Variants in CIMIP6 observed in about 807,000 individuals in gnomAD.
CIMIP6 encodes ciliary microtubule inner protein 6.
the CIMIP6 span, among the ~76,000 whole-genome samples, chr2:54,359,944 T>A: frequency 1.3e-5 from 2 of 152,244 alleles, no homozygotes; most frequent in Non-Finnish European, 1.5e-5. Context: ...AAGTTGAGAA[T>A]GGGAGATGAG....
chr2:54,381,296 C>G, the CIMIP6 span, among the ~76,000 whole-genome samples: 1 of 152,300 alleles, frequency 6.6e-6, no homozygotes, highest in East Asian at 1.9e-4. Context: ...AGGTTCTACT[C>G]CAATTCCTAA....
the CIMIP6 span, among the ~76,000 whole-genome samples, chr2:54,365,545 A>G: frequency 8.5e-5 from 13 of 152,180 alleles, no homozygotes; most frequent in African/African-American, 3.1e-4. Flanking sequence ...AGAGAATACA[A>G]AGTATACAGA....
chr2:54,360,525 A>G, the CIMIP6 span: 4 of 1,531,032 alleles, frequency 2.6e-6, no homozygotes, highest in Non-Finnish European at 3.5e-6. Flanking sequence ...TTCACTAGGC[A>G]CAAGCCTTTA....
At chr2:54,381,648 C>G in the CIMIP6 span, among the ~76,000 whole-genome samples, 17 of 152,332 alleles carry the variant, frequency 1.1e-4, no homozygotes, top group East Asian at 2.1e-3. Context: ...AAAGACCTTT[C>G]CAATCCTGAA....
At chr2:54,346,250 C>T in the CIMIP6 span, among the ~76,000 whole-genome samples, 98 of 152,204 alleles carry the variant, frequency 6.4e-4, no homozygotes, top group African/African-American at 2.2e-3. Context: ...AAAGTAAGTG[C>T]ACAACTGATA....
chr2:54,364,868 A>T, the CIMIP6 span, among the ~76,000 whole-genome samples: 24 of 152,234 alleles, frequency 1.6e-4, no homozygotes, highest in Non-Finnish European at 3.1e-4. Flanking sequence ...TATAACAGGA[A>T]CATTTGAAAT....
At chr2:54,337,276 T>C in the CIMIP6 span, among the ~76,000 whole-genome samples, 1 of 152,144 alleles carries the variant, frequency 6.6e-6, no homozygotes, top group Non-Finnish European at 1.5e-5. Context: ...GAATGTCAGA[T>C]CTTCTTGGGG....
the CIMIP6 span, among the ~76,000 whole-genome samples, chr2:54,380,458 T>C: frequency 6.6e-6 from 1 of 152,316 alleles, no homozygotes; most frequent in Admixed American, 6.5e-5. Flanking sequence ...CCACCTGGAA[T>C]GTCTTCTCAT....
chr2:54,381,316 A>G, the CIMIP6 span, among the ~76,000 whole-genome samples: 1 of 152,154 alleles, frequency 6.6e-6, no homozygotes, highest in East Asian at 1.9e-4. Context: ...ACTGACCCCC[A>G]AATGATGTTG....
the CIMIP6 span, among the ~76,000 whole-genome samples, chr2:54,374,826 G>A: frequency 2.6e-5 from 4 of 152,126 alleles, no homozygotes; most frequent in Non-Finnish European, 5.9e-5. Context: ...TCAGTTTTCC[G>A]CTGGCCCCTC....
At chr2:54,367,422 A>G in the CIMIP6 span, among the ~76,000 whole-genome samples, 1 of 152,126 alleles carries the variant, frequency 6.6e-6, no homozygotes, top group South Asian at 2.1e-4. Context: ...GTGAAATTCC[A>G]AAATCTGGAA....
the CIMIP6 span, among the ~76,000 whole-genome samples, chr2:54,350,660 G>A: frequency 3.9e-5 from 6 of 152,270 alleles, no homozygotes; most frequent in African/African-American, 1.4e-4. Flanking sequence ...GACTATATAA[G>A]GATTTGAATA....
the CIMIP6 span, among the ~76,000 whole-genome samples, chr2:54,338,790 A>G: frequency 1.3e-5 from 1 of 74,966 alleles, no homozygotes; most frequent in Admixed American, 1.3e-4. Flanking sequence ...TAGGAACATA[A>G]AATTGGGGAT....
At chr2:54,335,133 T>G in the CIMIP6 span, 1 of 823,348 alleles carries the variant, frequency 1.2e-6, no homozygotes, top group African/African-American at 1.7e-5. Flanking sequence ...AGAGTAGTAC[T>G]TATCATAATC....
chr2:54,367,236 T>C, the CIMIP6 span, among the ~76,000 whole-genome samples: 1 of 152,132 alleles, frequency 6.6e-6, no homozygotes, highest in Non-Finnish European at 1.5e-5. Context: ...AATCAGTAAA[T>C]CACACTGATT....
At chr2:54,378,327 C>T in the CIMIP6 span, among the ~76,000 whole-genome samples, 1 of 152,254 alleles carries the variant, frequency 6.6e-6, no homozygotes, top group South Asian at 2.1e-4. Flanking sequence ...CCCAGCCTCA[C>T]ACGGCTTTGC....
the CIMIP6 span, among the ~76,000 whole-genome samples, chr2:54,366,719 A>G: frequency 3.0e-4 from 46 of 151,788 alleles, no homozygotes; most frequent in African/African-American, 1.1e-3. Flanking sequence ...CAAGGCAGCA[A>G]TGGAGTAATA....
At chr2:54,346,877 T>C in the CIMIP6 span, among the ~76,000 whole-genome samples, 1 of 152,218 alleles carries the variant, frequency 6.6e-6, no homozygotes, top group African/African-American at 2.4e-5. Flanking sequence ...TCAACGTTCA[T>C]AGAATAAATT....
At chr2:54,364,542 T>C in the CIMIP6 span, among the ~76,000 whole-genome samples, 1 of 152,192 alleles carries the variant, frequency 6.6e-6, no homozygotes, top group Non-Finnish European at 1.5e-5. Context: ...CACAGCTATT[T>C]ACAGAGAACA....
Sources: gnomAD v4.1 joint callset for allele counts (sites outside exome capture counted in the v4.1 genomes callset) on GRCh38, gnomAD v4.1.1 for gene constraint, MANE v1.5 for transcripts, NCBI Gene and HGNC (gene_info 2026-07-23, HGNC 2026-07-21) for gene names.